Variants in SNTG1 observed in about 807,000 individuals in gnomAD.
SNTG1 encodes gamma-1-syntrophin.
Under a neutral mutation model 74.7 loss-of-function variants are expected in SNTG1, and 39 were observed. That is an observed-to-expected ratio of 0.52 (90% CI 0.40 to 0.68). SNTG1 has a LOEUF of 0.68. Among genes scored for constraint, SNTG1 ranks in the 30% least tolerant of loss-of-function variants. The probability of loss-of-function intolerance (pLI) is 0.00; values close to 1 mark genes in which losing one functional copy is unlikely to be tolerated. For synonymous variants in SNTG1, 254 were observed against 217.1 expected (o/e 1.17, Z -1.49); for missense variants, 685 against 609.5 (o/e 1.12, Z -1.30).
intron 1 of SNTG1, among the ~76,000 whole-genome samples, chr8:50,000,382 A>C (rs1814630900): frequency 6.6e-6 from 1 of 152,162 alleles, no homozygotes; most frequent in Non-Finnish European, 1.5e-5. Context: ...GAATGCTAGA[A>C]GTGCCTGTGT....
chr8:50,603,150 G>C (rs73587032), intron 13 of SNTG1, among the ~76,000 whole-genome samples: 3 of 152,020 alleles, frequency 2.0e-5, no homozygotes, highest in African/African-American at 7.3e-5. Context: ...ATAACTTTTA[G>C]ATTTGCCTTT....
chr8:50,461,204 T>TGTGA (rs2093559067), intron 8 of SNTG1, among the ~76,000 whole-genome samples: 1 of 126,696 alleles, frequency 7.9e-6, no homozygotes, highest in Admixed American at 8.2e-5. Context: ...TGTGTGTGTG[T>TGTGA]GACTGTACTG....
At chr8:50,586,765 G>C (rs766739411) in intron 12 of SNTG1, among the ~76,000 whole-genome samples, 1 of 151,646 alleles carries the variant, frequency 6.6e-6, no homozygotes, top group Non-Finnish European at 1.5e-5. Context: ...AATAAAACAG[G>C]TGTTTTTGAA....
At chr8:50,059,851 A>T (rs1273483642) in intron 1 of SNTG1, among the ~76,000 whole-genome samples, 1 of 152,132 alleles carries the variant, frequency 6.6e-6, no homozygotes, top group Admixed American at 6.6e-5. Flanking sequence ...TCTCTTAAGT[A>T]TATACCTAGA....
intron 12 of SNTG1, among the ~76,000 whole-genome samples, chr8:50,566,884 T>G (rs2094519105): frequency 6.6e-6 from 1 of 152,076 alleles, no homozygotes; most frequent in Non-Finnish European, 1.5e-5. Context: ...TTTAAGTTAC[T>G]GTGAGCATTC....
Position 50,520,332 on chromosome 8 carries a change from A to C in SNTG1, c.467-9845A>C, listed in dbSNP as rs539924095. Among the ~76,000 whole-genome samples, 5 of 152,362 alleles carry C rather than the reference A, an allele frequency of 3.3e-5. No individual in the cohort carries two copies. The East Asian group carries it at 9.6e-4, about 29-fold the overall frequency. On this transcript the variant is annotated intron_variant, in intron 9 of 18. Coordinates refer to ENST00000642720, the MANE Select transcript of SNTG1 (RefSeq NM_018967.5). ...CTTAAACGTAAGATCTAAAACCATAAAAACCCTTGAAGAAAACCTAGGCAA... is the reference window on the plus strand; with the variant it reads ...CTTAAACGTAAGATCTAAAACCATACAAACCCTTGAAGAAAACCTAGGCAA...
intron 1 of SNTG1, among the ~76,000 whole-genome samples, chr8:50,097,103 G>A (rs978104656): frequency 2.6e-5 from 4 of 151,960 alleles, no homozygotes; most frequent in African/African-American, 7.3e-5. Context: ...CCAAGTAGCT[G>A]GGACTACAGG....
chr8:50,493,878 T>A (rs1013795653), intron 8 of SNTG1, among the ~76,000 whole-genome samples: 1 of 151,718 alleles, frequency 6.6e-6, no homozygotes, highest in African/African-American at 2.4e-5. Context: ...AGATAACCAT[T>A]ATCTCCATTA....
intron 13 of SNTG1, among the ~76,000 whole-genome samples, chr8:50,597,247 T>C (rs2094733726): frequency 6.6e-6 from 1 of 151,356 alleles, no homozygotes; most frequent in African/African-American, 2.4e-5. Flanking sequence ...ATGACAAGAT[T>C]TCATTCCCTT....
At chr8:50,194,125 A>T (rs2083677297) in intron 2 of SNTG1, among the ~76,000 whole-genome samples, 1 of 152,028 alleles carries the variant, frequency 6.6e-6, no homozygotes, top group East Asian at 1.9e-4. Context: ...ATCAATCTAT[A>T]GTTTTCTTTT....
At chr8:50,722,475 C>A (rs2131594756) in intron 17 of SNTG1, among the ~76,000 whole-genome samples, 1 of 152,180 alleles carries the variant, frequency 6.6e-6, no homozygotes, top group East Asian at 1.9e-4. Flanking sequence ...CACACCTGGC[C>A]CACATTGTAT....
chr8:50,671,351 AAAAC>A (rs1165521576), intron 15 of SNTG1, among the ~76,000 whole-genome samples: 1 of 151,820 alleles, frequency 6.6e-6, no homozygotes, highest in Non-Finnish European at 1.5e-5. Context: ...TTACAAGAAA[AAAAC>A]AAACAACCCC....
At chr8:50,559,318 TTTG>T in intron 12 of SNTG1, among the ~76,000 whole-genome samples, 1 of 152,296 alleles carries the variant, frequency 6.6e-6, no homozygotes, top group South Asian at 2.1e-4. Flanking sequence ...AGTATTAAAT[TTTG>T]TTATGTCAAA....
At chr8:50,269,756 T>G (rs544772234) in intron 2 of SNTG1, among the ~76,000 whole-genome samples, 1 of 152,124 alleles carries the variant, frequency 6.6e-6, no homozygotes, top group Non-Finnish European at 1.5e-5. Context: ...AAAACAGAGT[T>G]TTTTCCTTCA....
chr8:50,026,570 T>A (rs1310754457), intron 1 of SNTG1, among the ~76,000 whole-genome samples: 1 of 152,166 alleles, frequency 6.6e-6, no homozygotes, highest in African/African-American at 2.4e-5. Flanking sequence ...GAGACATTTA[T>A]GAGTTTAAGG....
intron 1 of SNTG1, among the ~76,000 whole-genome samples, chr8:50,081,444 A>G (rs1018644469): frequency 2.6e-5 from 4 of 152,102 alleles, no homozygotes; most frequent in African/African-American, 9.7e-5. Context: ...TTAAATCTAT[A>G]GGTTAAAATT....
chr8:49,949,179 G>A (rs1028109023), intron 1 of SNTG1, among the ~76,000 whole-genome samples: 1 of 152,196 alleles, frequency 6.6e-6, no homozygotes, highest in African/African-American at 2.4e-5. Flanking sequence ...TTGGTTTGTG[G>A]TTGGTGAAGA....
intron 1 of SNTG1, among the ~76,000 whole-genome samples, chr8:50,044,133 A>G (rs1818876536): frequency 6.6e-6 from 1 of 152,204 alleles, no homozygotes; most frequent in African/African-American, 2.4e-5. Context: ...CAGGGGTTAA[A>G]CTCACAGAAG....
chr8:50,675,459 T>G (rs544728297), intron 15 of SNTG1, among the ~76,000 whole-genome samples: 1 of 152,190 alleles, frequency 6.6e-6, no homozygotes, highest in South Asian at 2.1e-4. Flanking sequence ...TAAAGTCTGT[T>G]TTTTCAGAGA....
Sources: gnomAD v4.1 joint callset for allele counts (sites outside exome capture counted in the v4.1 genomes callset) on GRCh38, gnomAD v4.1.1 for gene constraint, MANE v1.5 for transcripts, NCBI Gene and HGNC (gene_info 2026-07-23, HGNC 2026-07-21) for gene names.